Variants in IQSEC1 observed in about 807,000 individuals in gnomAD.
IQSEC1 encodes the protein IQ motif and SEC7 domain-containing protein 1.
A neutral mutation model predicts 91.0 loss-of-function variants in IQSEC1; 31 were observed. The observed-to-expected ratio is 0.34, with a 90% confidence interval of 0.26 to 0.46. IQSEC1 has a LOEUF of 0.46. Among genes scored for constraint, IQSEC1 ranks in the 20% least tolerant of loss-of-function variants. The pLI is 1.00. For missense variants in IQSEC1, 1,388 were observed against 1,575.6 expected, an observed-to-expected ratio of 0.88 and a Z score of 2.02; for synonymous variants, 699 against 662.6, an observed-to-expected ratio of 1.05 and a Z score of -0.84.
intron 1 of IQSEC1, among the ~76,000 whole-genome samples, chr3:13,030,833 A>C (rs1703815862): frequency 6.6e-6 from 1 of 152,258 alleles, no homozygotes; most frequent in Admixed American, 6.5e-5. Flanking sequence ...ATGAGGCGCA[A>C]AGCTGTGCCA....
At chr3:13,044,496 G>A (rs953864642) in intron 1 of IQSEC1, among the ~76,000 whole-genome samples, 5 of 152,244 alleles carry the variant, frequency 3.3e-5, no homozygotes, top group Non-Finnish European at 5.9e-5. Context: ...TACAGTCGGG[G>A]AGTGCGAGGC....
In IQSEC1 at chr3:13,007,956, C is replaced by T. The variant is rs368533652; in HGVS notation, c.23+65036G>A. Among the ~76,000 whole-genome samples, 41 of 152,256 alleles carry T rather than the reference C, an allele frequency of 2.7e-4. 1 individual carries two copies. Among genetic ancestry groups the T allele is most frequent in the African/African-American group, 9.4e-4 (39 of 41,548 alleles). On this transcript the variant is annotated intron_variant, in intron 1 of 13. Transcript: ENST00000613206. Reference sequence around the variant, plus strand: ...AATCCCCTGTCCTGTGGGAGGAGAGCTTGGTGATTTCTCAAAGTCCTTGCA... The same window carrying T: ...AATCCCCTGTCCTGTGGGAGGAGAGTTTGGTGATTTCTCAAAGTCCTTGCA...
At chr3:13,136,314 T>A (rs1335772412) in intron 2 of IQSEC1, among the ~76,000 whole-genome samples, 2 of 152,186 alleles carry the variant, frequency 1.3e-5, no homozygotes, top group African/African-American at 4.8e-5. Flanking sequence ...GACCCACAAG[T>A]GAACGGGAAA....
At chr3:12,913,302 A>C in intron 9 of IQSEC1, 126 bp downstream of exon 9, 2 of 1,009,616 alleles carry the variant, frequency 2.0e-6, no homozygotes, top group Non-Finnish European at 2.8e-6. Context: ...TGTGAAAGAC[A>C]CCAGGCAAAC....
chr3:13,027,552 G>T (rs535118612), intron 1 of IQSEC1, among the ~76,000 whole-genome samples: 2 of 152,236 alleles, frequency 1.3e-5, no homozygotes, highest in Non-Finnish European at 2.9e-5. Flanking sequence ...CAAGAGGTTG[G>T]ATTCTAGAGA....
chr3:13,053,758 T>C (rs1260241856), intron 1 of IQSEC1, among the ~76,000 whole-genome samples: 1 of 152,134 alleles, frequency 6.6e-6, no homozygotes, highest in East Asian at 1.9e-4. Context: ...TTTGCCTCAG[T>C]TTCCAAAGGG....
At chr3:12,914,618 G>A (rs990878547) in intron 8 of IQSEC1, among the ~76,000 whole-genome samples, 6 of 152,192 alleles carry the variant, frequency 3.9e-5, no homozygotes, top group African/African-American at 1.4e-4. Flanking sequence ...TCAGGACTGA[G>A]GGACAAAGCC....
chr3:13,146,954 A>C (rs1301544718), intron 2 of IQSEC1, among the ~76,000 whole-genome samples: 1 of 152,208 alleles, frequency 6.6e-6, no homozygotes, highest in East Asian at 1.9e-4. Flanking sequence ...TGCAGGGTTC[A>C]GAGTATCACT....
intron 1 of IQSEC1, among the ~76,000 whole-genome samples, chr3:13,201,323 G>A (rs1694242740): frequency 6.6e-6 from 1 of 152,082 alleles, no homozygotes; most frequent in Non-Finnish European, 1.5e-5. Context: ...GGGAAAGGCT[G>A]ATTTAACATT....
chr3:13,262,718 G>C (rs1258638942), intron 1 of IQSEC1, among the ~76,000 whole-genome samples: 1 of 152,260 alleles, frequency 6.6e-6, no homozygotes, highest in Non-Finnish European at 1.5e-5. Context: ...ACAATGGAAA[G>C]TTACTCAGCC....
chr3:13,250,977 C>G (rs116113663), intron 1 of IQSEC1, among the ~76,000 whole-genome samples: 1 of 152,288 alleles, frequency 6.6e-6, no homozygotes, highest in East Asian at 1.9e-4. Context: ...GGCTCCCTGC[C>G]GGGGGTAAAG....
intron 1 of IQSEC1, among the ~76,000 whole-genome samples, chr3:12,987,644 G>T (rs1440441633): frequency 6.6e-6 from 1 of 152,220 alleles, no homozygotes; most frequent in African/African-American, 2.4e-5. Flanking sequence ...ACCCTGTAAA[G>T]AGTGAAAAAG....
intron 3 of IQSEC1, among the ~76,000 whole-genome samples, chr3:12,928,872 G>A (rs745324171): frequency 3.9e-5 from 6 of 152,164 alleles, no homozygotes; most frequent in Non-Finnish European, 5.9e-5. Context: ...AGGGGTCTGT[G>A]TCACTTCAAG....
chr3:13,032,911 G>A (rs1703900441), intron 1 of IQSEC1, among the ~76,000 whole-genome samples: 1 of 152,152 alleles, frequency 6.6e-6, no homozygotes, highest in Non-Finnish European at 1.5e-5. Flanking sequence ...CACATTGGTC[G>A]ATCTGTTCAC....
At chr3:13,164,256 G>A (rs1176805525) in intron 1 of IQSEC1, among the ~76,000 whole-genome samples, 1 of 152,146 alleles carries the variant, frequency 6.6e-6, no homozygotes, top group African/African-American at 2.4e-5. Context: ...CCCAGCCTCA[G>A]CAGACATCCG....
intron 1 of IQSEC1, among the ~76,000 whole-genome samples, chr3:13,204,364 T>C (rs868624975): frequency 6.6e-6 from 1 of 151,982 alleles, no homozygotes; most frequent in Non-Finnish European, 1.5e-5. Context: ...CGGAGAAGAG[T>C]CACACCTGTA....
At chr3:12,903,764 G>A (rs1364313245) in intron 12 of IQSEC1, among the ~76,000 whole-genome samples, 5 of 152,098 alleles carry the variant, frequency 3.3e-5, no homozygotes, top group African/African-American at 1.2e-4. Context: ...GGGATGGGAA[G>A]AGGGAGAGAG....
chr3:13,236,389 A>G (rs114415125), intron 1 of IQSEC1, among the ~76,000 whole-genome samples: 2,842 of 152,328 alleles, frequency 0.019, 88 homozygotes, highest in African/African-American at 0.063. Context: ...AGTTTTCGAC[A>G]TGAAACTGGC....
At chr3:13,044,594 G>T (rs1003974071) in intron 1 of IQSEC1, among the ~76,000 whole-genome samples, 1 of 152,234 alleles carries the variant, frequency 6.6e-6, no homozygotes, top group Non-Finnish European at 1.5e-5. Flanking sequence ...CTGGGGGCAG[G>T]CAGGGGAGAG....
Sources: gnomAD v4.1 joint callset for allele counts (sites outside exome capture counted in the v4.1 genomes callset) on GRCh38, gnomAD v4.1.1 for gene constraint, MANE v1.5 for transcripts, NCBI Gene and HGNC (gene_info 2026-07-23, HGNC 2026-07-21) for gene names.